The following UGCG variants were observed in gnomAD, a reference collection of about 807,000 sequenced individuals.
The protein encoded by UGCG is UDP-glucose ceramide glucosyltransferase, also known as ceramide glucosyltransferase.
Under a neutral mutation model 49.5 loss-of-function variants are expected in UGCG, and 10 were observed. That is an observed-to-expected ratio of 0.20 (90% confidence interval 0.12 to 0.34). The LOEUF (loss-of-function observed/expected upper bound fraction) is 0.34. Among genes scored for constraint, UGCG ranks in the 10% least tolerant of loss-of-function variants. The pLI is 1.00. For synonymous variants in UGCG, 182 were observed against 158.2 expected (o/e 1.15, Z -1.13); for missense variants, 312 against 483.7 (o/e 0.65, Z 3.33).
chr9:111,928,499 A>G (rs553927449), intron 5 of UGCG, among the ~76,000 whole-genome samples: 2 of 152,344 alleles, frequency 1.3e-5, no homozygotes, highest in South Asian at 2.1e-4. Flanking sequence ...ATCATTCTCA[A>G]CTGTAAAGAG....
chr9:111,918,152 C>G (rs1838144683), intron 2 of UGCG, among the ~76,000 whole-genome samples: 2 of 152,230 alleles, frequency 1.3e-5, no homozygotes, highest in South Asian at 4.1e-4. Flanking sequence ...AGCAATTCTC[C>G]CGTGTCAGCC....
chr9:111,916,823 C>G (rs937294792), intron 2 of UGCG, among the ~76,000 whole-genome samples: 2 of 151,912 alleles, frequency 1.3e-5, no homozygotes, highest in Middle Eastern at 3.4e-3. Flanking sequence ...ACGAGCATTT[C>G]TAATGACCCC....
intron 1 of UGCG, among the ~76,000 whole-genome samples, chr9:111,897,674 T>G (rs1199381300): frequency 6.6e-6 from 1 of 152,040 alleles, no homozygotes; most frequent in Non-Finnish European, 1.5e-5. Flanking sequence ...TCTCCCGACC[T>G]GGGCCACGTT....
chr9:111,898,729 A>T (rs1468317977), intron 1 of UGCG, among the ~76,000 whole-genome samples: 1 of 152,238 alleles, frequency 6.6e-6, no homozygotes, highest in Non-Finnish European at 1.5e-5. Context: ...GGAGAAAATT[A>T]AAATATGCAC....
At chr9:111,914,573 T>C (rs1158439081) in intron 1 of UGCG, 32 bp from the exon 2 acceptor site, 1 of 1,607,092 alleles carries the variant, frequency 6.2e-7, no homozygotes, top group African/African-American at 1.3e-5. Flanking sequence ...ATGTATTCTA[T>C]AGAAATAATT....
At position 111,928,491 on chromosome 9, in the gene UGCG, C is replaced by G. The variant is rs1838365118; in HGVS notation, c.559-1009C>G. Among the ~76,000 whole-genome samples, 4 of 152,186 alleles carry G rather than the reference C, an allele frequency of 2.6e-5. No individual in the cohort carries two copies. In the South Asian group the frequency reaches 8.3e-4, roughly 32 times the overall value. The stretch of plus-strand genomic sequence containing the variant: ...TCACTCTGCCATACTTAGAATTAAT[C>G]ATTCTCAACTGTAAAGAGCACATTC... On this transcript the variant is annotated intron_variant, in intron 5 of 8. Coordinates refer to ENST00000374279, the MANE Select transcript of UGCG (RefSeq NM_003358.3).
rs1201556831 is a variant in UGCG, at chr9:111,933,530, T to C, written c.*533T>C. 6.6e-6 allele frequency: 1 copy of C among 152,172 alleles called. No homozygotes were observed. Among genetic ancestry groups the C allele is most frequent in the Non-Finnish European group, 1.5e-5 (1 of 68,044 alleles). The allele number at this position is 152,172 out of a possible 1,614,324, so 9.4% of individuals were successfully genotyped here. ...ATGCTTTATGCCTACCTCTTGTAGT[T>C]GTTGCAGAGCAAATATAAATTGTAA... On this transcript the variant is annotated 3_prime_UTR_variant, in exon 9 of 9. Transcript: ENST00000374279.
chr9:111,921,802 A>ATTTTTTTTTGTTTTTTTTTTTTTTTTTT (rs1838226386), intron 2 of UGCG, among the ~76,000 whole-genome samples: 1 of 55,536 alleles, frequency 1.8e-5, no homozygotes, highest in Non-Finnish European at 3.2e-5. Context: ...CCCCAGGGTG[A>ATTTTTTTTTGTTTTTTTTTTTTTTTTTT]TTTTTTTTTT....
chr9:111,897,341 G>C (rs776928253), intron 1 of UGCG, 28 bp downstream of exon 1: 3 of 1,529,458 alleles, frequency 2.0e-6, no homozygotes, highest in South Asian at 2.4e-5. Flanking sequence ...GGAGGGGCTC[G>C]GGGCAGGGGT....
intron 2 of UGCG, among the ~76,000 whole-genome samples, chr9:111,920,959 G>A (rs1222115879): frequency 1.3e-5 from 2 of 151,792 alleles, no homozygotes; most frequent in Non-Finnish European, 2.9e-5. Context: ...CTGGAGTGCA[G>A]TGGCGTGATC....
chr9:111,899,352 C>T (rs1302908644), intron 1 of UGCG, among the ~76,000 whole-genome samples: 3 of 152,180 alleles, frequency 2.0e-5, no homozygotes, highest in Non-Finnish European at 2.9e-5. Flanking sequence ...AAGTAGCAGG[C>T]ATTTCACTGT....
At chr9:111,926,322 G>T in intron 4 of UGCG, 62 bp from the exon 5 acceptor site, 2 of 952,962 alleles carry the variant, frequency 2.1e-6, no homozygotes, top group Non-Finnish European at 3.2e-6. Context: ...TTATATTAAT[G>T]GGCATTCTAC....
chr9:111,917,000 A>C (rs1453638554), intron 2 of UGCG, among the ~76,000 whole-genome samples: 1 of 151,980 alleles, frequency 6.6e-6, no homozygotes, highest in East Asian at 1.9e-4. Flanking sequence ...AAAATTAAAA[A>C]ATTGAAATAA....
At chr9:111,908,913 A>G (rs1837941773) in intron 1 of UGCG, among the ~76,000 whole-genome samples, 1 of 152,190 alleles carries the variant, frequency 6.6e-6, no homozygotes, top group Admixed American at 6.5e-5. Flanking sequence ...TTGAAACACT[A>G]GGCAATTGAT....
intron 5 of UGCG, among the ~76,000 whole-genome samples, chr9:111,926,721 A>G (rs1420747759): frequency 2.0e-5 from 3 of 152,134 alleles, no homozygotes; most frequent in African/African-American, 7.2e-5. Context: ...TGCGCAGGAA[A>G]TGCCTGCGGT....
At position 111,905,742 on chromosome 9, in the gene UGCG, C is replaced by A. The variant is rs191865686; in HGVS notation, c.98+8429C>A. ...GTGCTGGGATTACAGGCATGAGCCA[C>A]TGAGCCCGGCCTCTCCTTCATGCAT... On this transcript the variant is annotated intron_variant, in intron 1 of 8. Transcript: ENST00000374279. Among the ~76,000 whole-genome samples, 11 of 152,378 alleles carry A rather than the reference C, an allele frequency of 7.2e-5. No individual in the cohort carries two copies. The East Asian group carries it at 2.1e-3, about 29-fold the overall frequency.
In UGCG at chr9:111,932,269, C is replaced by T. The variant is rs1838439775; in HGVS notation, c.924C>T (p.His308=). 6.2e-7 allele frequency: 1 copy of T among 1,614,022 alleles called. No homozygotes were observed. Among genetic ancestry groups the T allele is most frequent in the Non-Finnish European group, 8.5e-7 (1 of 1,179,954 alleles). ...GTTTAATTATTGGATGGGCAGCCCA[C>T]CATGTGTTCAGATGGGATATTATGG... The part of the protein sequence containing the change: ...VASLIIGWAA[H]HVFRWDIMVF... The change falls in exon 8 of 9, where the codon CAC becomes CAT. Residue 308 remains histidine, a synonymous_variant. Coordinates refer to ENST00000374279, the MANE Select transcript of UGCG (RefSeq NM_003358.3).
chr9:111,915,922 G>A lies in UGCG; in HGVS notation c.240+1176G>A, dbSNP rs1838102146. The A allele has an allele frequency of 4.0e-6, 3 of 746,674 alleles. No homozygotes were observed. The South Asian group carries it at 1.8e-4, about 46-fold the overall frequency. The allele number at this position is 746,674 out of a possible 1,614,324, so 46.3% of individuals were successfully genotyped here. A position where few individuals can be genotyped will look rare whatever the true frequency, so the allele number is the denominator to read the frequency against. On this transcript the variant is annotated intron_variant, in intron 2 of 8. Coordinates refer to ENST00000374279, the MANE Select transcript of UGCG (RefSeq NM_003358.3). ...GTTTTGGAGTTTAGAAGCCAATTTTGGAGTATTGGAAGCTGTTTTGAAGCA... is the reference window on the plus strand; with the variant it reads ...GTTTTGGAGTTTAGAAGCCAATTTTAGAGTATTGGAAGCTGTTTTGAAGCA...
At chr9:111,901,465 C>T (rs1168955003) in intron 1 of UGCG, among the ~76,000 whole-genome samples, 2 of 152,138 alleles carry the variant, frequency 1.3e-5, no homozygotes, top group African/African-American at 2.4e-5. Context: ...GCAATTCAGC[C>T]CCTTTAACCT....
Sources: gnomAD v4.1 joint callset for allele counts (sites outside exome capture counted in the v4.1 genomes callset) on GRCh38, gnomAD v4.1.1 for gene constraint, MANE v1.5 for transcripts, NCBI Gene and HGNC (gene_info 2026-07-23, HGNC 2026-07-21) for gene names.